Variants in HIRA observed in about 807,000 individuals in gnomAD.
The protein encoded by HIRA is histone cell cycle regulator, also known as protein HIRA.
HIRA carries 13 observed loss-of-function variants against 126.6 expected under a neutral mutation model. The observed-to-expected ratio is 0.10, with a 90% confidence interval of 0.07 to 0.16. The LOEUF (loss-of-function observed/expected upper bound fraction) is 0.16. Among genes scored for constraint, HIRA ranks in the 10% least tolerant of loss-of-function variants. The pLI is 1.00. For missense variants in HIRA, 834 were observed against 1,314.4 expected (o/e 0.63, Z 5.65); for synonymous variants, 511 against 520.0 (o/e 0.98, Z 0.24).
At position 19,377,976 on chromosome 22, in the gene HIRA, C is replaced by T. The variant is rs756462198; in HGVS notation, c.1506G>A (p.Leu502=). ...MLSSHSSPQL[L]PLDSSTPNSF... ...AGTTAGGGGTACTGGAGTCCAGTGG[C>T]AGTAGCTGTGGACTGCTATGAGAAG... The change falls in exon 14 of 25, where the codon CTG becomes CTA. Residue 502 remains leucine (L), a synonymous_variant. Transcript: ENST00000263208. 1.9e-6 allele frequency: 3 copies of T among 1,613,680 alleles called. No individual in the cohort carries two copies. Among genetic ancestry groups the T allele is most frequent in the Non-Finnish European group, 2.5e-6 (3 of 1,179,860 alleles).
rs2088484646 is a variant in HIRA at position 19,331,414 on chromosome 22, C to T, written c.*26G>A. On this transcript the variant is annotated 3_prime_UTR_variant, in exon 25 of 25. Transcript: ENST00000263208. The stretch of plus-strand genomic sequence containing the variant: ...CGGCGAGAGTGTGGCCCTGCCCTTG[C>T]TGCAGCCAGGGCAGGCTGGGGCAGG... 1 of 1,613,368 alleles carries T rather than the reference C, an allele frequency of 6.2e-7. No homozygotes were observed. Among genetic ancestry groups the T allele is most frequent in the East Asian group, 2.2e-5 (1 of 44,872 alleles).
Position 19,408,536 on chromosome 22 carries a change from T to C in HIRA, c.158A>G (p.Asp53Gly), listed in dbSNP as rs2089325263. 6.2e-7 allele frequency: 1 copy of C among 1,613,850 alleles called. No homozygotes were observed. Among genetic ancestry groups the C allele is most frequent in the Admixed American group, 1.7e-5 (1 of 60,008 alleles). Residue 53 changes from aspartate (D) to glycine (G), a missense_variant, in exon 3 of 25, where the codon GAC becomes GGC. By Grantham distance (94) the Asp-to-Gly change is moderately conservative. Coordinates refer to ENST00000263208, the MANE Select transcript of HIRA (RefSeq NM_003325.4). Reference protein sequence around the residue: ...WNMSPVLQEDDEKDENIPKML... With the variant: ...WNMSPVLQEDGEKDENIPKML... ...CTTGGGAATATTTTCATCCTTCTCG[T>C]CATCCTCCTGGAGGACTGGAGACAT... is the stretch of plus-strand genomic sequence containing the variant.
chr22:19,406,732 G>A (rs34967676), intron 4 of HIRA, among the ~76,000 whole-genome samples: 5,147 of 152,282 alleles, frequency 0.034, 133 homozygotes, highest in Non-Finnish European at 0.049. Flanking sequence ...TCCAGGTGAT[G>A]GTTAGCTCCT....
intron 1 of HIRA, among the ~76,000 whole-genome samples, chr22:19,419,441 T>C (rs1468475197): frequency 6.6e-6 from 1 of 152,242 alleles, no homozygotes; most frequent in African/African-American, 2.4e-5. Flanking sequence ...CTTCAGGTCT[T>C]TGCTCAATGT....
chr22:19,419,522 T>A (rs2089426626), intron 1 of HIRA, among the ~76,000 whole-genome samples: 1 of 152,170 alleles, frequency 6.6e-6, no homozygotes, highest in African/African-American at 2.4e-5. Flanking sequence ...GCACAACAAA[T>A]CCCCTTAGTC....
In HIRA at chr22:19,392,187, T is replaced by G; in HGVS notation, c.850A>C (p.Lys284Gln). 6.2e-7 allele frequency: 1 copy of G among 1,608,824 alleles called. No individual in the cohort carries two copies. The highest frequency in any genetic ancestry group is 8.5e-7 in the Non-Finnish European group (1 of 1,175,626). ...TTCGCAGAACTCCCATTCTTCTGCT[T>G]CTTTTTGAAGATTTTTGGGTTGAAT... is the stretch of plus-strand genomic sequence containing the variant. Reference protein sequence around the residue: ...VKFNPKIFKKKQKNGSSAKPS... With the variant: ...VKFNPKIFKKQQKNGSSAKPS... Residue 284 changes from lysine to glutamine, a missense_variant, in exon 9 of 25, where the codon AAG becomes CAG. Transcript: ENST00000263208.
intron 1 of HIRA, among the ~76,000 whole-genome samples, chr22:19,415,156 A>G (rs1884257245): frequency 6.6e-6 from 1 of 152,122 alleles, no homozygotes; most frequent in Admixed American, 6.5e-5. Context: ...CCCAGCTACA[A>G]ACAACATAAT....
At position 19,431,654 on chromosome 22, in the gene HIRA, G is replaced by A; in HGVS notation, c.-178C>T. The A allele has an allele frequency of 3.6e-6, 2 of 559,002 alleles. No individual in the cohort carries two copies. Among genetic ancestry groups the A allele is most frequent in the South Asian group, 8.1e-5 (1 of 12,370 alleles). The allele number at this position is 559,002 out of a possible 1,614,324, so 34.6% of individuals were successfully genotyped here. A position where few individuals can be genotyped will look rare whatever the true frequency, so the allele number is the denominator to read the frequency against. Reference sequence around the variant, plus strand: ...CGCGCCCCCCTCCGCCGCCACAGCCGCCACCCGCGCTCGGCCGCCGCCGCC... The same window carrying A: ...CGCGCCCCCCTCCGCCGCCACAGCCACCACCCGCGCTCGGCCGCCGCCGCC... On this transcript the variant is annotated 5_prime_UTR_variant, in exon 1 of 25. Coordinates refer to ENST00000263208, the MANE Select transcript of HIRA (RefSeq NM_003325.4).
At chr22:19,359,547 A>G (rs902589204) in intron 17 of HIRA, 63 bp from the exon 18 acceptor site, 55 of 1,431,236 alleles carry the variant, frequency 3.8e-5, no homozygotes, top group East Asian at 1.4e-4. Context: ...ACATGCTCCA[A>G]GGCTCTGTAG....
chr22:19,350,644 G>C (rs1556010556), intron 24 of HIRA, among the ~76,000 whole-genome samples: 1 of 151,882 alleles, frequency 6.6e-6, no homozygotes, highest in African/African-American at 2.4e-5. Context: ...GATACTCCCT[G>C]ACTGTTTTTC....
Position 19,357,549 on chromosome 22 carries a change from A to G in HIRA, c.2235-498T>C, listed in dbSNP as rs185191176. 2.0e-5 allele frequency among the ~76,000 whole-genome samples: 3 copies of G among 152,292 alleles called. No individual in the cohort carries two copies. In the East Asian group the frequency reaches 5.8e-4, roughly 29 times the overall value. ...GGGAGATGTGTGTCGCTCCCAAACA[A>G]GGAGTGCGTTACAGAACAGTCTGGA... On this transcript the variant is annotated intron_variant, in intron 18 of 24. Transcript: ENST00000263208.
intron 15 of HIRA, among the ~76,000 whole-genome samples, chr22:19,367,157 T>C (rs1236131524): frequency 6.6e-6 from 1 of 152,196 alleles, no homozygotes; most frequent in Non-Finnish European, 1.5e-5. Context: ...TTTATTTATA[T>C]ACTAATCATA....
intron 1 of HIRA, among the ~76,000 whole-genome samples, chr22:19,419,462 T>C (rs555755487): frequency 2.0e-5 from 3 of 152,316 alleles, no homozygotes; most frequent in East Asian, 3.9e-4. Context: ...CACCCTCACA[T>C]TGAGGCCTAC....
At chr22:19,422,037 T>G (rs566023365) in intron 1 of HIRA, among the ~76,000 whole-genome samples, 1 of 151,868 alleles carries the variant, frequency 6.6e-6, no homozygotes, top group African/African-American at 2.4e-5. Context: ...ACCCAAACTT[T>G]CAGGAGAGAT....
At chr22:19,333,241 G>A (rs140172647) in intron 24 of HIRA, among the ~76,000 whole-genome samples, 5 of 152,150 alleles carry the variant, frequency 3.3e-5, no homozygotes, top group Middle Eastern at 3.4e-3. Flanking sequence ...ATGGACAAAC[G>A]TCTGGCAGGA....
At chr22:19,422,195 T>C (rs9604962) in intron 1 of HIRA, among the ~76,000 whole-genome samples, 100,668 of 132,240 alleles carry the variant, frequency 0.76, 36,325 homozygotes, top group Middle Eastern at 0.82. Context: ...CACACACACA[T>C]ACACATATAT....
intron 24 of HIRA, among the ~76,000 whole-genome samples, chr22:19,333,921 G>C (rs1224678614): frequency 6.6e-6 from 1 of 151,908 alleles, no homozygotes; most frequent in Non-Finnish European, 1.5e-5. Flanking sequence ...TTAAACTCCA[G>C]ATTTCTGTTT....
intron 5 of HIRA, among the ~76,000 whole-genome samples, chr22:19,399,790 A>T (rs997648999): frequency 3.3e-5 from 5 of 152,226 alleles, no homozygotes; most frequent in African/African-American, 1.2e-4. Context: ...TATATTTAAA[A>T]TTTTTAATTA....
At chr22:19,348,835 C>T (rs537453068) in intron 24 of HIRA, among the ~76,000 whole-genome samples, 43 of 151,458 alleles carry the variant, frequency 2.8e-4, no homozygotes, top group Middle Eastern at 3.5e-3. Context: ...TCGCTCTTGT[C>T]GCCCAGGCTG....
Sources: allele counts gnomAD v4.1 joint callset (sites outside exome capture counted in the v4.1 genomes callset), GRCh38; gene constraint gnomAD v4.1.1; transcripts MANE v1.5; gene names NCBI Gene and HGNC (gene_info 2026-07-23, HGNC 2026-07-21).